The following TMEM132D variants were observed in gnomAD, a reference collection of about 807,000 sequenced individuals.
TMEM132D encodes the protein transmembrane protein 132D.
In TMEM132D, 21 loss-of-function variants were observed where a neutral mutation model predicts 62.3. That is an observed-to-expected ratio of 0.34 (90% CI 0.24 to 0.49). The LOEUF is 0.49. Ranked by LOEUF, TMEM132D falls within the 20% of genes least tolerant of loss-of-function variation. TMEM132D has a pLI of 0.99. For synonymous variants in TMEM132D, 621 were observed against 575.6 expected, an observed-to-expected ratio of 1.08 and a Z score of -1.13; for missense variants, 1,346 against 1,402.8, an observed-to-expected ratio of 0.96 and a Z score of 0.65.
chr12:129,528,543 G>T (rs1161484647), intron 3 of TMEM132D, among the ~76,000 whole-genome samples: 1 of 151,872 alleles, frequency 6.6e-6, no homozygotes, highest in Non-Finnish European at 1.5e-5. Context: ...AATCGCAGTT[G>T]CCAGTCCTTT....
At chr12:129,221,779 C>T (rs1879352494) in intron 4 of TMEM132D, among the ~76,000 whole-genome samples, 1 of 152,190 alleles carries the variant, frequency 6.6e-6, no homozygotes, top group Non-Finnish European at 1.5e-5. Context: ...TTTGGCCAAA[C>T]TCTGTTATTT....
At chr12:129,420,805 G>A (rs1165339475) in intron 3 of TMEM132D, among the ~76,000 whole-genome samples, 1 of 152,068 alleles carries the variant, frequency 6.6e-6, no homozygotes, top group African/African-American at 2.4e-5. Flanking sequence ...ACACTTCGTG[G>A]GAATGTATTT....
chr12:129,239,854 A>G (rs1415133927), intron 4 of TMEM132D, among the ~76,000 whole-genome samples: 1 of 152,218 alleles, frequency 6.6e-6, no homozygotes, highest in Non-Finnish European at 1.5e-5. Context: ...AAGTGATTCA[A>G]GTTTGTGAAA....
At chr12:129,604,178 T>G (rs1878555458) in intron 2 of TMEM132D, among the ~76,000 whole-genome samples, 1 of 150,934 alleles carries the variant, frequency 6.6e-6, no homozygotes, top group South Asian at 2.1e-4. Flanking sequence ...GGGTTGGGGG[T>G]AAGGGGGAAG....
intron 2 of TMEM132D, among the ~76,000 whole-genome samples, chr12:129,592,539 T>C (rs1878222746): frequency 6.6e-6 from 1 of 152,208 alleles, no homozygotes; most frequent in Non-Finnish European, 1.5e-5. Flanking sequence ...TAAAATACTT[T>C]TTGTGGCATG....
chr12:129,252,585 T>C (rs1231147675), intron 4 of TMEM132D, among the ~76,000 whole-genome samples: 1 of 152,182 alleles, frequency 6.6e-6, no homozygotes, highest in Non-Finnish European at 1.5e-5. Flanking sequence ...GCTTTTACAC[T>C]GTTGGTGGGA....
At chr12:129,839,728 A>G (rs1873123237) in intron 1 of TMEM132D, among the ~76,000 whole-genome samples, 2 of 152,254 alleles carry the variant, frequency 1.3e-5, no homozygotes, top group Admixed American at 6.5e-5. Context: ...GAACCAGTCC[A>G]TAGCAGGTCA....
At chr12:129,874,860 C>T (rs1266906624) in intron 1 of TMEM132D, among the ~76,000 whole-genome samples, 1 of 152,012 alleles carries the variant, frequency 6.6e-6, no homozygotes, top group African/African-American at 2.4e-5. Flanking sequence ...GCCACCACGC[C>T]CAGCTAATTT....
chr12:129,415,131 G>A (rs1217579774), intron 3 of TMEM132D, among the ~76,000 whole-genome samples: 2 of 152,220 alleles, frequency 1.3e-5, no homozygotes, highest in Non-Finnish European at 2.9e-5. Context: ...AACAATGAGT[G>A]TGGGAGTGGA....
chr12:129,281,433 A>AAAG (rs1881149581), intron 4 of TMEM132D, among the ~76,000 whole-genome samples: 1 of 151,432 alleles, frequency 6.6e-6, no homozygotes, highest in African/African-American at 2.4e-5. Flanking sequence ...TTTTTTAAAA[A>AAAG]AAAAAAGAAA....
intron 3 of TMEM132D, among the ~76,000 whole-genome samples, chr12:129,442,188 A>G (rs904484963): frequency 6.6e-6 from 1 of 152,236 alleles, no homozygotes; most frequent in Non-Finnish European, 1.5e-5. Context: ...TCATTGGCCA[A>G]ATCTTTCCAG....
chr12:129,207,816 G>A (rs775089304), intron 5 of TMEM132D, among the ~76,000 whole-genome samples: 3 of 152,152 alleles, frequency 2.0e-5, no homozygotes, highest in African/African-American at 4.8e-5. Context: ...TGGGGTCCAC[G>A]TGGCCATTTA....
chr12:129,881,190 A>G (rs1269469720), intron 1 of TMEM132D, among the ~76,000 whole-genome samples: 2 of 152,128 alleles, frequency 1.3e-5, no homozygotes. Flanking sequence ...CTAACGACAG[A>G]ACTTCAAAAT....
Position 129,611,971 on chromosome 12 carries a change from C to G in TMEM132D, c.969-80766G>C, listed in dbSNP as rs77144392. The stretch of plus-strand genomic sequence containing the variant: ...TGCTCTCACTCCATCCAGCTCACAA[C>G]GCAGACACTGGGCCGTGGCCGGTCG... On this transcript the variant is annotated intron_variant, in intron 2 of 8. Coordinates refer to ENST00000422113, the MANE Select transcript of TMEM132D (RefSeq NM_133448.3). Among the ~76,000 whole-genome samples, 40 of 152,280 alleles carry G rather than the reference C, an allele frequency of 2.6e-4. 1 individual carries two copies. In the East Asian group the frequency reaches 6.8e-3, roughly 26 times the overall value.
intron 5 of TMEM132D, among the ~76,000 whole-genome samples, chr12:129,191,627 G>T (rs1878404133): frequency 6.6e-6 from 1 of 151,476 alleles, no homozygotes; most frequent in Non-Finnish European, 1.5e-5. Context: ...AGATATAGGA[G>T]ATATATATGT....
chr12:129,413,146 G>T (rs1872019426), intron 3 of TMEM132D, among the ~76,000 whole-genome samples: 2 of 152,262 alleles, frequency 1.3e-5, no homozygotes, highest in African/African-American at 4.8e-5. Context: ...GTCTGGCTGT[G>T]TCCCCACCCA....
chr12:129,171,516 C>T (rs1350183859), intron 5 of TMEM132D, among the ~76,000 whole-genome samples: 6 of 152,222 alleles, frequency 3.9e-5, no homozygotes, highest in African/African-American at 1.4e-4. Flanking sequence ...ATTTACTTTG[C>T]TCAGGCCCAT....
chr12:129,097,193 T>C (rs1875142561), intron 5 of TMEM132D, among the ~76,000 whole-genome samples: 1 of 152,198 alleles, frequency 6.6e-6, no homozygotes, highest in African/African-American at 2.4e-5. Context: ...GGCCTCCACC[T>C]CCAGATGCCA....
chr12:129,701,673 G>A (rs1256076817), intron 1 of TMEM132D, among the ~76,000 whole-genome samples: 7 of 152,190 alleles, frequency 4.6e-5, no homozygotes, highest in Non-Finnish European at 8.8e-5. Flanking sequence ...TGCAGGCAGA[G>A]CAATTGCATA....
Sources: allele counts gnomAD v4.1 joint callset (sites outside exome capture counted in the v4.1 genomes callset), GRCh38; gene constraint gnomAD v4.1.1; transcripts MANE v1.5; gene names NCBI Gene and HGNC (gene_info 2026-07-23, HGNC 2026-07-21).